Variants in OSMR observed in about 807,000 individuals in gnomAD.
OSMR encodes the protein oncostatin M receptor.
OSMR carries 81 observed loss-of-function variants against 99.9 expected under a neutral mutation model. The observed-to-expected ratio is 0.81, with a 90% CI of 0.68 to 0.97. OSMR has a LOEUF of 0.97. OSMR is among the 50% of genes least tolerant of loss of function. The pLI is 0.00. For missense variants in OSMR, 1,099 were observed against 1,153.4 expected, an observed-to-expected ratio of 0.95 and a Z score of 0.68; for synonymous variants, 406 against 410.4, an observed-to-expected ratio of 0.99 and a Z score of 0.13.
At chr5:38,930,380 C>G (rs1746666714) in intron 15 of OSMR, among the ~76,000 whole-genome samples, 1 of 152,148 alleles carries the variant, frequency 6.6e-6, no homozygotes, top group African/African-American at 2.4e-5. Flanking sequence ...GCTTGTGCAT[C>G]TACCCAGGGC....
At chr5:38,944,607 G>A (rs764277115) in intron 2 of OSMR, 1 of 1,517,098 alleles carries the variant, frequency 6.6e-7, no homozygotes, top group South Asian at 1.2e-5. Flanking sequence ...TATTATCTAT[G>A]TCACAATAAA....
At chr5:38,928,270 C>T (rs566183229) in intron 15 of OSMR, among the ~76,000 whole-genome samples, 1 of 152,270 alleles carries the variant, frequency 6.6e-6, no homozygotes, top group African/African-American at 2.4e-5. Flanking sequence ...GTTCCAAAGT[C>T]GCTTCCACAT....
intron 7 of OSMR, among the ~76,000 whole-genome samples, chr5:38,888,434 T>G: frequency 1.9e-5 from 2 of 107,082 alleles, no homozygotes; most frequent in Admixed American, 1.1e-4. Context: ...GGGGGTGGGG[T>G]CGAGGGAGAG....
chr5:38,849,458 C>CTTTTTTTTTTTTTTTTTTTTTTTTTTT, intron 1 of OSMR, among the ~76,000 whole-genome samples: 1 of 138,742 alleles, frequency 7.2e-6, no homozygotes, highest in Non-Finnish European at 1.6e-5. Flanking sequence ...TTTCATTGAT[C>CTTTTTTTTTTTTTTTTTTTTTTTTTTT]TTTTTTTTTG....
chr5:38,906,274 T>G (rs1579756792), intron 9 of OSMR, among the ~76,000 whole-genome samples: 1 of 152,146 alleles, frequency 6.6e-6, no homozygotes, highest in Non-Finnish European at 1.5e-5. Flanking sequence ...ATCTAACATC[T>G]TGAAAACGCT....
At chr5:38,927,952 T>C (rs1300728947) in intron 15 of OSMR, among the ~76,000 whole-genome samples, 1 of 152,176 alleles carries the variant, frequency 6.6e-6, no homozygotes, top group Non-Finnish European at 1.5e-5. Flanking sequence ...TCCACAGATC[T>C]CTAGGGCAGG....
At chr5:38,877,962 G>A (rs1742971419) in intron 3 of OSMR, among the ~76,000 whole-genome samples, 1 of 152,172 alleles carries the variant, frequency 6.6e-6, no homozygotes, top group African/African-American at 2.4e-5. Context: ...TAGGGCTCAA[G>A]ACCCTTCAGG....
intron 1 of OSMR, chr5:38,942,344 G>C: frequency 3.1e-6 from 5 of 1,597,764 alleles, no homozygotes; most frequent in Non-Finnish European, 4.3e-6. Flanking sequence ...TTGCTTTGGT[G>C]GTGTTGCCAA....
intron 9 of OSMR, among the ~76,000 whole-genome samples, chr5:38,911,566 G>A (rs946142423): frequency 2.0e-5 from 3 of 152,136 alleles, no homozygotes; most frequent in Non-Finnish European, 4.4e-5. Flanking sequence ...ATTCTGTGAG[G>A]CCAGCATCAT....
chr5:38,944,233 G>C (rs1747924599), exon 2 of OSMR: 1 of 629,590 alleles, frequency 1.6e-6, no homozygotes, highest in Non-Finnish European at 2.9e-6. Context: ...ATAGAAGATA[G>C]CTGGATTCTC....
chr5:38,929,077 A>T (rs357274), intron 15 of OSMR, among the ~76,000 whole-genome samples: 5,446 of 151,850 alleles, frequency 0.036, 155 homozygotes, highest in South Asian at 0.08. Flanking sequence ...TACTTTTTTT[A>T]AAAAAAATAG....
intron 1 of OSMR, among the ~76,000 whole-genome samples, chr5:38,864,540 G>GTTTTTT (rs33918195): frequency 6.8e-6 from 1 of 147,250 alleles, no homozygotes; most frequent in Non-Finnish European, 1.5e-5. Context: ...CTTGCCTGAA[G>GTTTTTT]TTTTTTTTTT....
intron 15 of OSMR, among the ~76,000 whole-genome samples, 195 bp downstream of exon 15, chr5:38,925,566 A>G (rs973240190): frequency 1.3e-5 from 2 of 152,212 alleles, no homozygotes. Context: ...TATATAAAAC[A>G]GATACAAATA....
intron 2 of OSMR, among the ~76,000 whole-genome samples, chr5:38,873,631 T>A (rs1220503284): frequency 6.6e-6 from 1 of 152,148 alleles, no homozygotes; most frequent in African/African-American, 2.4e-5. Flanking sequence ...TTTCTCCACA[T>A]CCTCGCCAAC....
intron 1 of OSMR, among the ~76,000 whole-genome samples, chr5:38,852,865 G>A (rs1458471357): frequency 1.3e-5 from 2 of 151,092 alleles, no homozygotes; most frequent in African/African-American, 2.4e-5. Context: ...CGAGTAGCTG[G>A]GATTACAGGC....
At chr5:38,870,773 T>G (rs1311845892) in intron 2 of OSMR, among the ~76,000 whole-genome samples, 1 of 152,204 alleles carries the variant, frequency 6.6e-6, no homozygotes, top group Admixed American at 6.5e-5. Context: ...CATACTCACT[T>G]TGGTGCCTTA....
At chr5:38,887,161 C>A (rs1743839792) in intron 7 of OSMR, among the ~76,000 whole-genome samples, 1 of 152,006 alleles carries the variant, frequency 6.6e-6, no homozygotes, top group African/African-American at 2.4e-5. Context: ...GATTGTTGTC[C>A]ATTTCTTTAC....
At chr5:38,852,216 A>C (rs1740427172) in intron 1 of OSMR, among the ~76,000 whole-genome samples, 1 of 151,994 alleles carries the variant, frequency 6.6e-6, no homozygotes, top group Non-Finnish European at 1.5e-5. Context: ...TTGGATTTTT[A>C]TTTTTTCCCT....
chr5:38,881,195 T>G (rs6893097), intron 3 of OSMR, among the ~76,000 whole-genome samples: 92,391 of 141,360 alleles, frequency 0.65, 28,611 homozygotes, highest in Middle Eastern at 0.77. Flanking sequence ...ACAAACAATC[T>G]TTTTTTTTTT....
Sources: gnomAD v4.1 joint callset for allele counts (sites outside exome capture counted in the v4.1 genomes callset) on GRCh38, gnomAD v4.1.1 for gene constraint, MANE v1.5 for transcripts, NCBI Gene and HGNC (gene_info 2026-07-23, HGNC 2026-07-21) for gene names.